TRDN: variants seen among roughly 807,000 people sequenced by gnomAD.
TRDN encodes the protein triadin, also known as triadin in skeletal muscle.
TRDN carries 161 observed loss-of-function variants against 149.7 expected under a neutral mutation model. That is an observed-to-expected ratio of 1.08 (90% confidence interval 0.95 to 1.23). TRDN has a LOEUF of 1.23. Among genes scored for constraint, TRDN ranks in the 50% most tolerant of loss-of-function variants. The pLI, the probability that TRDN is intolerant of heterozygous loss-of-function variation, is 0.00. For missense variants in TRDN, 896 were observed against 823.5 expected, an observed-to-expected ratio of 1.09 and a Z score of -1.08; for synonymous variants, 294 against 250.5, an observed-to-expected ratio of 1.17 and a Z score of -1.64.
At chr6:123,399,719 A>G (rs1772882818) in intron 12 of TRDN, among the ~76,000 whole-genome samples, 1 of 152,202 alleles carries the variant, frequency 6.6e-6, no homozygotes. Context: ...ATCAGTGATT[A>G]TGAACACAGA....
chr6:123,385,117 T>C (rs920487074), intron 14 of TRDN, among the ~76,000 whole-genome samples: 11 of 152,142 alleles, frequency 7.2e-5, no homozygotes, highest in Non-Finnish European at 1.5e-4. Flanking sequence ...ATTATGTTCA[T>C]AAGTGATGCC....
At chr6:123,578,228 A>G (rs1210309007) in intron 1 of TRDN, among the ~76,000 whole-genome samples, 8 of 151,964 alleles carry the variant, frequency 5.3e-5, no homozygotes, top group Non-Finnish European at 8.8e-5. Context: ...CCAGGATGAT[A>G]TTGCCTAGGT....
chr6:123,483,133 C>A (rs1034921655), intron 9 of TRDN, among the ~76,000 whole-genome samples: 3 of 148,596 alleles, frequency 2.0e-5, no homozygotes, highest in African/African-American at 7.4e-5. Context: ...GACCGAGTCT[C>A]GCCCTGTCGC....
intron 5 of TRDN, among the ~76,000 whole-genome samples, chr6:123,524,936 T>A (rs1474848907): frequency 6.6e-6 from 1 of 152,108 alleles, no homozygotes; most frequent in East Asian, 1.9e-4. Flanking sequence ...TTTATCTTTC[T>A]ATTCACAAAC....
intron 12 of TRDN, among the ~76,000 whole-genome samples, chr6:123,404,743 C>T (rs1226291302): frequency 1.3e-5 from 2 of 152,240 alleles, no homozygotes; most frequent in Non-Finnish European, 2.9e-5. Flanking sequence ...CTGCGCCTCC[C>T]ATGGACTGTT....
intron 1 of TRDN, among the ~76,000 whole-genome samples, chr6:123,614,300 C>CAAAAAAAAAAAAAAAAAAA (rs1199509406): frequency 2.0e-5 from 2 of 99,850 alleles, no homozygotes; most frequent in Non-Finnish European, 2.0e-5. Context: ...AAAAAAAAAA[C>CAAAAAAAAAAAAAAAAAAA]AAAAAAAAAA....
intron 24 of TRDN, among the ~76,000 whole-genome samples, chr6:123,296,808 T>C (rs1020955652): frequency 6.6e-6 from 1 of 152,044 alleles, no homozygotes; most frequent in Non-Finnish European, 1.5e-5. Flanking sequence ...ATTTACACAA[T>C]GCTGAACATC....
At chr6:123,472,648 G>C (rs1295780188) in intron 9 of TRDN, among the ~76,000 whole-genome samples, 3 of 152,338 alleles carry the variant, frequency 2.0e-5, no homozygotes, top group East Asian at 3.9e-4. Flanking sequence ...CAAACAAAAA[G>C]ACAGCAGTAA....
intron 2 of TRDN, among the ~76,000 whole-genome samples, chr6:123,554,777 T>TG (rs1242193192): frequency 6.6e-6 from 1 of 152,078 alleles, no homozygotes; most frequent in Admixed American, 6.5e-5. Context: ...TCTGAAGTGG[T>TG]GGGTCAGTAT....
chr6:123,529,471 G>T, intron 5 of TRDN: 1 of 1,011,128 alleles, frequency 9.9e-7, no homozygotes, highest in Non-Finnish European at 1.5e-6. Context: ...CATAATATCT[G>T]TAGAATGATT....
At chr6:123,403,721 G>C (rs1773080756) in intron 12 of TRDN, among the ~76,000 whole-genome samples, 1 of 152,148 alleles carries the variant, frequency 6.6e-6, no homozygotes. Context: ...ATGACACCTT[G>C]CAGAGCACAA....
intron 40 of TRDN, 90 bp from the exon 41 acceptor site, chr6:123,218,830 C>T (rs1189011149): frequency 2.2e-6 from 3 of 1,355,472 alleles, no homozygotes; most frequent in African/African-American, 2.9e-5. Context: ...GATAAGGTCA[C>T]AGATTCTGCC....
At chr6:123,224,053 G>T in intron 39 of TRDN, 40 bp downstream of exon 39, 2 of 1,564,254 alleles carry the variant, frequency 1.3e-6, no homozygotes, top group Non-Finnish European at 1.7e-6. Context: ...TTATAGCTTT[G>T]AGAGAAAACT....
At chr6:123,566,380 T>C (rs1041304942) in intron 2 of TRDN, among the ~76,000 whole-genome samples, 2 of 152,180 alleles carry the variant, frequency 1.3e-5, no homozygotes, top group African/African-American at 4.8e-5. Flanking sequence ...AAAAGCCAAT[T>C]CTGCATGTCC....
chr6:123,217,278 C>A lies in TRDN; in HGVS notation c.*1323G>T, dbSNP rs776533943. 1 of 151,912 alleles carries A rather than the reference C, an allele frequency of 6.6e-6. No homozygotes were observed. The highest frequency in any genetic ancestry group is 1.5e-5 in the Non-Finnish European group (1 of 67,948). 9.4% of individuals were successfully genotyped at this position (151,912 alleles called of 1,614,324 possible). A position where few individuals can be genotyped will look rare whatever the true frequency, so the allele number is the denominator to read the frequency against. ...GTTTTATATCTTGGTCCTAAAGAAC[C>A]GTAGTTAGTGGCAATCCTTGAAAAT... On this transcript the variant is annotated 3_prime_UTR_variant, in exon 41 of 41. Transcript: ENST00000334268.
intron 37 of TRDN, among the ~76,000 whole-genome samples, chr6:123,254,483 G>A (rs917671940): frequency 3.3e-5 from 5 of 151,800 alleles, no homozygotes; most frequent in African/African-American, 1.2e-4. Context: ...TAGCACCTTC[G>A]AATTTAAAGC....
chr6:123,611,566 T>C (rs986241691), intron 1 of TRDN, among the ~76,000 whole-genome samples: 3 of 152,194 alleles, frequency 2.0e-5, no homozygotes, highest in African/African-American at 4.8e-5. Context: ...TGTCCTATTA[T>C]GTATAAGACA....
chr6:123,578,593 C>T (rs984104302), intron 1 of TRDN, among the ~76,000 whole-genome samples: 2 of 152,054 alleles, frequency 1.3e-5, no homozygotes, highest in Non-Finnish European at 1.5e-5. Context: ...TAATGTAATG[C>T]CTCCATCTTT....
chr6:123,296,674 T>TA (rs67765639), intron 24 of TRDN, among the ~76,000 whole-genome samples: 106,520 of 151,834 alleles, frequency 0.7, 37,665 homozygotes, highest in East Asian at 0.89. Flanking sequence ...TATTCTCATA[T>TA]AAGGCAGTCT....
Sources: gnomAD v4.1 joint callset for allele counts (sites outside exome capture counted in the v4.1 genomes callset) on GRCh38, gnomAD v4.1.1 for gene constraint, MANE v1.5 for transcripts, NCBI Gene and HGNC (gene_info 2026-07-23, HGNC 2026-07-21) for gene names.